The following MED12L variants were observed in gnomAD, a reference collection of about 807,000 sequenced individuals.
MED12L encodes mediator of RNA polymerase II transcription subunit 12-like protein.
MED12L carries 60 observed loss-of-function variants against 281.3 expected under a neutral mutation model. That is an observed-to-expected ratio of 0.21 (90% CI 0.17 to 0.26). The LOEUF is 0.26. MED12L is among the 10% of genes least tolerant of loss of function. The pLI is 1.00. For missense variants in MED12L, 2,146 were observed against 2,680.9 expected (o/e 0.80, Z 4.41); for synonymous variants, 974 against 987.2 (o/e 0.99, Z 0.25).
At chr3:151,301,047 T>A (rs1350061544) in intron 16 of MED12L, among the ~76,000 whole-genome samples, 1 of 152,208 alleles carries the variant, frequency 6.6e-6, no homozygotes, top group Non-Finnish European at 1.5e-5. Flanking sequence ...ATACGTCACC[T>A]TGAACAGCTC....
chr3:151,286,048 A>C (rs1043068120), intron 16 of MED12L, among the ~76,000 whole-genome samples: 2 of 152,204 alleles, frequency 1.3e-5, no homozygotes, highest in Non-Finnish European at 2.9e-5. Flanking sequence ...TTATGATAGG[A>C]GGATTTATTC....
At chr3:151,422,062 C>A (rs916684403) in intron 43 of MED12L, among the ~76,000 whole-genome samples, 2 of 152,076 alleles carry the variant, frequency 1.3e-5, no homozygotes, top group Non-Finnish European at 2.9e-5. Flanking sequence ...TAGGGTAGTG[C>A]AGAAGTGATT....
At chr3:151,153,056 CAT>C (rs1718771487) in intron 5 of MED12L, among the ~76,000 whole-genome samples, 1 of 152,194 alleles carries the variant, frequency 6.6e-6, no homozygotes, top group Non-Finnish European at 1.5e-5. Context: ...TACGTGTTTT[CAT>C]ATACTAGAGC....
rs185311389 is a variant in MED12L at position 151,236,930 on chromosome 3, A to G, written c.2250+43264A>G. 1.1e-4 allele frequency among the ~76,000 whole-genome samples: 17 copies of G among 152,100 alleles called. No homozygotes were observed. The East Asian group carries it at 3.3e-3, about 29-fold the overall frequency. ...GCCATTGTGAGTCATGCCGAGATGC[A>G]TATCTTTGTTGCCTATTGATGGACA... On this transcript the variant is annotated intron_variant, in intron 16 of 44. Transcript: ENST00000687756.
intron 2 of MED12L, among the ~76,000 whole-genome samples, chr3:151,104,269 G>A (rs760739431): frequency 1.3e-5 from 2 of 152,180 alleles, no homozygotes; most frequent in African/African-American, 4.8e-5. Context: ...TGACCTTTTA[G>A]GGAAGTCCTG....
At chr3:151,283,382 A>G (rs957251316) in intron 16 of MED12L, among the ~76,000 whole-genome samples, 4 of 152,280 alleles carry the variant, frequency 2.6e-5, no homozygotes, top group Non-Finnish European at 5.9e-5. Flanking sequence ...CTTTGTTACA[A>G]AACAAAAACT....
chr3:151,260,716 G>A (rs1399230449), intron 16 of MED12L, among the ~76,000 whole-genome samples: 2 of 152,138 alleles, frequency 1.3e-5, no homozygotes, highest in Non-Finnish European at 2.9e-5. Context: ...TTGTTTCCCA[G>A]TGATCACTTT....
At chr3:151,375,677 T>C (rs745707971) in intron 27 of MED12L, among the ~76,000 whole-genome samples, 34 of 152,170 alleles carry the variant, frequency 2.2e-4, no homozygotes, top group Non-Finnish European at 3.7e-4. Flanking sequence ...ATGAAGAACG[T>C]ATATCTGATA....
At chr3:151,195,751 G>A in intron 16 of MED12L, among the ~76,000 whole-genome samples, 1 of 152,158 alleles carries the variant, frequency 6.6e-6, no homozygotes, top group East Asian at 1.9e-4. Flanking sequence ...ATATACCAAT[G>A]TTAACTTCTT....
chr3:151,379,488 A>C (rs780981336), intron 31 of MED12L, among the ~76,000 whole-genome samples: 1 of 152,166 alleles, frequency 6.6e-6, no homozygotes, highest in Non-Finnish European at 1.5e-5. Flanking sequence ...ATGCCTTGAC[A>C]CCTCTTTACC....
At position 151,416,434 on chromosome 3, in the gene MED12L, T is replaced by G; in HGVS notation, c.6408+12T>G. 6.2e-7 allele frequency: 1 copy of G among 1,613,030 alleles called. No homozygotes were observed. Among genetic ancestry groups the G allele is most frequent in the Non-Finnish European group, 8.5e-7 (1 of 1,179,486 alleles). ...CCCAGCAGCCCTTGGTAAGGCCTGT[T>G]GTTTTGGAATCAGACATGTGGGTTT... is the stretch of plus-strand genomic sequence containing the variant. On this transcript the variant is annotated intron_variant, in intron 43 of 44. Transcript: ENST00000687756.
At position 151,366,007 on chromosome 3, in the gene MED12L, C is replaced by G. The variant is rs770066404; in HGVS notation, c.3327+16C>G. ...CACTGTAGATGTAAGTTTTCTTTTTCATTTAAAAATTGAACTGTGCAATTA... is the reference window on the plus strand; with the variant it reads ...CACTGTAGATGTAAGTTTTCTTTTTGATTTAAAAATTGAACTGTGCAATTA... On this transcript the variant is annotated intron_variant, in intron 23 of 44. Coordinates refer to ENST00000687756, the MANE Select transcript of MED12L (RefSeq NM_001393769.1). The G allele has an allele frequency of 1.3e-6, 2 of 1,528,896 alleles. No individual in the cohort carries two copies. The highest frequency in any genetic ancestry group is 1.8e-6 in the Non-Finnish European group (2 of 1,138,408). 94.7% of individuals were successfully genotyped at this position (1,528,896 alleles called of 1,614,324 possible). A position where few individuals can be genotyped will look rare whatever the true frequency, so the allele number is the denominator to read the frequency against.
intron 12 of MED12L, among the ~76,000 whole-genome samples, chr3:151,186,376 G>T (rs1243609243): frequency 6.6e-6 from 1 of 152,082 alleles, no homozygotes; most frequent in East Asian, 1.9e-4. Flanking sequence ...TAAATAGATC[G>T]CATTGTCTCC....
At chr3:151,164,173 G>GGT in intron 9 of MED12L, 131 bp downstream of exon 9, 1 of 924,390 alleles carries the variant, frequency 1.1e-6, no homozygotes, top group Non-Finnish European at 1.6e-6. Flanking sequence ...TAACACTCTG[G>GGT]GTGACCTTAG....
Position 151,183,219 on chromosome 3 carries a change from G to A in MED12L, c.1495-2111G>A, listed in dbSNP as rs116473609. Among the ~76,000 whole-genome samples, 421 of 152,302 alleles carry A rather than the reference G, an allele frequency of 2.8e-3. 1 individual carries two copies. Among genetic ancestry groups the A allele is most frequent in the African/African-American group, 9.7e-3 (405 of 41,572 alleles). On this transcript the variant is annotated intron_variant, in intron 11 of 44. Transcript: ENST00000687756. ...TGGATAAAACCCTAGTTAACAGTGTGACTATATGAAGGTTCAAGACCATGC... is the reference window on the plus strand; with the variant it reads ...TGGATAAAACCCTAGTTAACAGTGTAACTATATGAAGGTTCAAGACCATGC...
intron 16 of MED12L, among the ~76,000 whole-genome samples, chr3:151,291,085 T>C (rs1559988597): frequency 6.6e-6 from 1 of 152,116 alleles, no homozygotes; most frequent in Non-Finnish European, 1.5e-5. Context: ...CTTGTGGTGC[T>C]TAGTCTGGGT....
intron 5 of MED12L, among the ~76,000 whole-genome samples, chr3:151,149,074 A>C (rs145687671): frequency 1.2e-4 from 18 of 152,282 alleles, no homozygotes; most frequent in South Asian, 2.1e-4. Flanking sequence ...TTGGGAGGGA[A>C]CTTGATTTGG....
chr3:151,243,684 A>G (rs1356046328), intron 16 of MED12L, among the ~76,000 whole-genome samples: 36 of 151,962 alleles, frequency 2.4e-4, no homozygotes, highest in Admixed American at 4.6e-4. Flanking sequence ...AAAGACCATC[A>G]AGACTAGGAA....
chr3:151,231,151 C>CA (rs1332338792), intron 16 of MED12L, among the ~76,000 whole-genome samples: 1 of 152,122 alleles, frequency 6.6e-6, no homozygotes, highest in Non-Finnish European at 1.5e-5. Flanking sequence ...GTACAGATTA[C>CA]AAAAAGGTAG....
Sources: gnomAD v4.1 joint callset for allele counts (sites outside exome capture counted in the v4.1 genomes callset) on GRCh38, gnomAD v4.1.1 for gene constraint, MANE v1.5 for transcripts, NCBI Gene and HGNC (gene_info 2026-07-23, HGNC 2026-07-21) for gene names.